SNX3: variants seen among roughly 807,000 people sequenced by gnomAD.
SNX3 encodes sorting nexin 3, also known as sorting nexin-3.
Under a neutral mutation model 17.7 loss-of-function variants are expected in SNX3, and 5 were observed. That is an observed-to-expected ratio of 0.28 (90% CI 0.15 to 0.59). The LOEUF is 0.59. Ranked by LOEUF, SNX3 falls within the 20% of genes least tolerant of loss-of-function variation. The pLI, the probability that SNX3 is intolerant of heterozygous loss-of-function variation, is 0.88. For missense variants in SNX3, 132 were observed against 206.8 expected (o/e 0.64, Z 2.22); for synonymous variants, 91 against 76.5 (o/e 1.19, Z -0.99).
chr6:108,255,794 T>C (rs182909143), intron 1 of SNX3, among the ~76,000 whole-genome samples: 1 of 152,354 alleles, frequency 6.6e-6, no homozygotes, highest in Non-Finnish European at 1.5e-5. Flanking sequence ...ATTAGATGAC[T>C]GACCCAGAGG....
chr6:108,259,833 G>A (rs929638018), intron 1 of SNX3, among the ~76,000 whole-genome samples: 1 of 151,972 alleles, frequency 6.6e-6, no homozygotes, highest in Non-Finnish European at 1.5e-5. Flanking sequence ...TTTGATTAAA[G>A]GAAAAATCGC....
intron 1 of SNX3, among the ~76,000 whole-genome samples, chr6:108,236,383 T>A (rs867576503): frequency 0.11 from 14,431 of 131,956 alleles, 1,346 homozygotes; most frequent in African/African-American, 0.27. Flanking sequence ...TTATTATTTT[T>A]TTTTTTTTTT....
chr6:108,213,498 A>G (rs1476754521), intron 3 of SNX3, among the ~76,000 whole-genome samples: 1 of 152,016 alleles, frequency 6.6e-6, no homozygotes, highest in Non-Finnish European at 1.5e-5. Context: ...CTAAAAATAC[A>G]AAAATAAGCC....
intron 1 of SNX3, among the ~76,000 whole-genome samples, chr6:108,241,958 G>A (rs958240303): frequency 1.3e-5 from 2 of 152,158 alleles, no homozygotes; most frequent in Non-Finnish European, 2.9e-5. Context: ...ACAGCATGAT[G>A]ACAATGATTC....
At chr6:108,256,369 A>C (rs1776029775) in intron 1 of SNX3, among the ~76,000 whole-genome samples, 1 of 152,250 alleles carries the variant, frequency 6.6e-6, no homozygotes, top group Non-Finnish European at 1.5e-5. Context: ...AATTTTAGTA[A>C]CTCAACTAAA....
At chr6:108,234,082 A>T (rs1461261691) in intron 1 of SNX3, among the ~76,000 whole-genome samples, 1 of 152,114 alleles carries the variant, frequency 6.6e-6, no homozygotes, top group Non-Finnish European at 1.5e-5. Flanking sequence ...TTTACAGTGT[A>T]AAGAGGGGGT....
At chr6:108,219,269 T>C (rs1485721003) in intron 2 of SNX3, among the ~76,000 whole-genome samples, 2 of 152,134 alleles carry the variant, frequency 1.3e-5, no homozygotes, top group African/African-American at 2.4e-5. Context: ...ACATTTCCAG[T>C]GTGCCACATG....
intron 1 of SNX3, among the ~76,000 whole-genome samples, chr6:108,231,584 C>T (rs1160728058): frequency 6.6e-6 from 1 of 152,172 alleles, no homozygotes; most frequent in Admixed American, 6.5e-5. Context: ...TCGGAAGGCA[C>T]ATAATGTCAG....
intron 2 of SNX3, among the ~76,000 whole-genome samples, chr6:108,215,137 C>G (rs1428356209): frequency 6.6e-6 from 1 of 151,954 alleles, no homozygotes; most frequent in African/African-American, 2.4e-5. Flanking sequence ...ATCACAGGGT[C>G]AGGAGATCGA....
At chr6:108,222,152 C>T (rs1280456208) in intron 2 of SNX3, 1 of 1,198,512 alleles carries the variant, frequency 8.3e-7, no homozygotes, top group Non-Finnish European at 1.1e-6. Flanking sequence ...AAAAAGAAAA[C>T]CCTTATTAAA....
chr6:108,248,587 A>T (rs543375808), intron 1 of SNX3, among the ~76,000 whole-genome samples: 3 of 152,372 alleles, frequency 2.0e-5, no homozygotes, highest in East Asian at 3.8e-4. Flanking sequence ...AATATCAATT[A>T]TAGATAAGAA....
intron 1 of SNX3, among the ~76,000 whole-genome samples, chr6:108,235,725 G>A (rs961028758): frequency 3.3e-5 from 5 of 152,156 alleles, no homozygotes; most frequent in African/African-American, 4.8e-5. Context: ...GTAAAACCTC[G>A]TCTCTACTAA....
chr6:108,253,231 T>C (rs1775920183), intron 1 of SNX3, among the ~76,000 whole-genome samples: 1 of 152,158 alleles, frequency 6.6e-6, no homozygotes, highest in Non-Finnish European at 1.5e-5. Flanking sequence ...ACAATATTTA[T>C]AAAGATTCCT....
At chr6:108,252,099 C>G (rs473231) in intron 1 of SNX3, 3 of 143,482 alleles carry the variant, frequency 2.1e-5, no homozygotes, top group African/African-American at 7.9e-5. Context: ...AACAAACAAA[C>G]AAAAAAATGA....
intron 1 of SNX3, among the ~76,000 whole-genome samples, chr6:108,241,143 CAAAAAAAAAA>C (rs71274311): frequency 2.0e-5 from 1 of 51,184 alleles, no homozygotes; most frequent in East Asian, 6.0e-4. Flanking sequence ...GACTCCGTCT[CAAAAAAAAAA>C]AAAAAAAAAA....
intron 1 of SNX3, among the ~76,000 whole-genome samples, chr6:108,252,692 GCA>G (rs952286526): frequency 2.0e-5 from 3 of 150,434 alleles, no homozygotes; most frequent in South Asian, 2.1e-4. Context: ...TTTTTTTTTG[GCA>G]CAGAGTCGCG....
At chr6:108,219,860 A>G (rs2114710967) in intron 2 of SNX3, among the ~76,000 whole-genome samples, 1 of 152,306 alleles carries the variant, frequency 6.6e-6, no homozygotes, top group African/African-American at 2.4e-5. Context: ...TTCCCATCAG[A>G]GATGGACCAC....
intron 1 of SNX3, among the ~76,000 whole-genome samples, chr6:108,241,009 G>T (rs1468857069): frequency 6.6e-6 from 1 of 151,822 alleles, no homozygotes; most frequent in African/African-American, 2.4e-5. Context: ...GGGCATAGGG[G>T]TACATGCCTG....
chr6:108,211,297 T>C lies in SNX3; in HGVS notation c.*852A>G, dbSNP rs1774399339. On this transcript the variant is annotated 3_prime_UTR_variant, in exon 4 of 4. Coordinates refer to ENST00000230085, the MANE Select transcript of SNX3 (RefSeq NM_003795.6). ...AATACACAAAGTGCTTCAAAATGATTCAATAAGCCTTAAGCAATACATTTT... is the reference window on the plus strand; with the variant it reads ...AATACACAAAGTGCTTCAAAATGATCCAATAAGCCTTAAGCAATACATTTT... The C allele has an allele frequency of 6.6e-6, 1 of 152,236 alleles. No individual in the cohort carries two copies. Among genetic ancestry groups the C allele is most frequent in the African/African-American group, 2.4e-5 (1 of 41,470 alleles). The allele number at this position is 152,236 out of a possible 1,614,324, so 9.4% of individuals were successfully genotyped here.
Sources: allele counts gnomAD v4.1 joint callset (sites outside exome capture counted in the v4.1 genomes callset), GRCh38; gene constraint gnomAD v4.1.1; transcripts MANE v1.5; gene names NCBI Gene and HGNC (gene_info 2026-07-23, HGNC 2026-07-21).